ADAMTS17: variants seen among roughly 807,000 people sequenced by gnomAD.
ADAMTS17 encodes the protein ADAM metallopeptidase with thrombospondin type 1 motif 17, also known as A disintegrin and metalloproteinase with thrombospondin motifs 17.
In ADAMTS17, 113 loss-of-function variants were observed where a neutral mutation model predicts 141.5. That is an observed-to-expected ratio of 0.80 (90% confidence interval 0.69 to 0.93). The LOEUF is 0.93. ADAMTS17 is among the 40% of genes least tolerant of loss of function. The pLI is 0.00. For missense variants in ADAMTS17, 1,659 were observed against 1,517.9 expected (o/e 1.09, Z -1.54); for synonymous variants, 768 against 630.6 (o/e 1.22, Z -3.27).
At chr15:100,340,269 C>CT (rs1386446868) in intron 2 of ADAMTS17, among the ~76,000 whole-genome samples, 3 of 152,206 alleles carry the variant, frequency 2.0e-5, no homozygotes, top group African/African-American at 7.2e-5. Context: ...AGAACCCCCC[C>CT]TCCCCCTGGG....
chr15:99,994,442 C>G (rs932838641), intron 19 of ADAMTS17, among the ~76,000 whole-genome samples: 14 of 140,852 alleles, frequency 9.9e-5, no homozygotes, highest in African/African-American at 3.6e-4. Flanking sequence ...ACATACAGAC[C>G]CCAATCTCTT....
intron 2 of ADAMTS17, among the ~76,000 whole-genome samples, chr15:100,331,939 G>A (rs1395828192): frequency 1.3e-5 from 2 of 151,794 alleles, no homozygotes; most frequent in Non-Finnish European, 2.9e-5. Flanking sequence ...GCTAACTCCA[G>A]TCTCAAGTAT....
intron 18 of ADAMTS17, among the ~76,000 whole-genome samples, chr15:100,002,300 G>C (rs951466868): frequency 1.3e-5 from 2 of 151,990 alleles, no homozygotes; most frequent in African/African-American, 2.4e-5. Context: ...CTTTGAGTCT[G>C]CTCCCGCCTT....
At chr15:100,241,993 C>T (rs537133260) in intron 7 of ADAMTS17, among the ~76,000 whole-genome samples, 73 of 152,284 alleles carry the variant, frequency 4.8e-4, no homozygotes, top group Non-Finnish European at 9.6e-4. Flanking sequence ...ACTTACGCTG[C>T]ATATCTGTAG....
At chr15:100,256,107 T>C (rs1480544452) in intron 6 of ADAMTS17, among the ~76,000 whole-genome samples, 1 of 152,220 alleles carries the variant, frequency 6.6e-6, no homozygotes, top group Non-Finnish European at 1.5e-5. Context: ...CTCTGTTCCA[T>C]TCATTATCAG....
intron 10 of ADAMTS17, among the ~76,000 whole-genome samples, chr15:100,138,966 A>AT (rs2038480335): frequency 6.6e-6 from 1 of 152,210 alleles, no homozygotes; most frequent in South Asian, 2.1e-4. Flanking sequence ...TCCCGGTAAT[A>AT]GGGGAAGAGA....
At chr15:100,024,324 G>A (rs1255304953) in intron 18 of ADAMTS17, among the ~76,000 whole-genome samples, 1 of 152,132 alleles carries the variant, frequency 6.6e-6, no homozygotes, top group Non-Finnish European at 1.5e-5. Flanking sequence ...TCAAACTCCT[G>A]GCTTCAAGCA....
chr15:99,983,224 C>T (rs1157162290), intron 20 of ADAMTS17, among the ~76,000 whole-genome samples: 1 of 152,298 alleles, frequency 6.6e-6, no homozygotes, highest in African/African-American at 2.4e-5. Flanking sequence ...GGCTTACGTA[C>T]GAGCTTGTTA....
At chr15:100,214,622 G>A (rs753775548) in intron 7 of ADAMTS17, among the ~76,000 whole-genome samples, 3 of 152,140 alleles carry the variant, frequency 2.0e-5, no homozygotes, top group Admixed American at 6.5e-5. Flanking sequence ...GATTGCATAC[G>A]CACTTTTATT....
At chr15:100,131,223 T>C (rs905819792) in intron 12 of ADAMTS17, among the ~76,000 whole-genome samples, 1 of 135,830 alleles carries the variant, frequency 7.4e-6, no homozygotes, top group Non-Finnish European at 1.7e-5. Flanking sequence ...GTCGAGGGGG[T>C]TGAGGGGCAA....
At chr15:100,245,528 C>T (rs528938972) in intron 7 of ADAMTS17, among the ~76,000 whole-genome samples, 6 of 152,344 alleles carry the variant, frequency 3.9e-5, no homozygotes, top group African/African-American at 1.4e-4. Flanking sequence ...AGAAGCCCAT[C>T]CCATGCAAAA....
At chr15:100,299,580 C>T (rs745872028) in intron 3 of ADAMTS17, among the ~76,000 whole-genome samples, 4 of 151,792 alleles carry the variant, frequency 2.6e-5, no homozygotes, top group South Asian at 2.1e-4. Flanking sequence ...AATGTGTTCA[C>T]GTTTCAACCA....
chr15:100,293,978 G>C (rs1210149881), intron 3 of ADAMTS17, among the ~76,000 whole-genome samples: 2 of 152,204 alleles, frequency 1.3e-5, no homozygotes, highest in African/African-American at 4.8e-5. Context: ...ACATCTGACA[G>C]AGCTGGTTAG....
intron 1 of ADAMTS17, 79 bp from the exon 2 acceptor site, chr15:100,341,488 A>C (rs1421502725): frequency 4.0e-6 from 4 of 1,001,518 alleles, no homozygotes; most frequent in African/African-American, 1.8e-5. Flanking sequence ...CAGCCGCGCC[A>C]GCGCGGGGAC....
intron 18 of ADAMTS17, among the ~76,000 whole-genome samples, chr15:100,013,444 G>C (rs1384636668): frequency 1.3e-5 from 2 of 152,062 alleles, no homozygotes; most frequent in Non-Finnish European, 2.9e-5. Context: ...AGTGAGAGTG[G>C]GCATCCTTGT....
intron 18 of ADAMTS17, among the ~76,000 whole-genome samples, chr15:100,035,256 C>G (rs921938179): frequency 1.3e-5 from 2 of 152,202 alleles, no homozygotes; most frequent in African/African-American, 4.8e-5. Flanking sequence ...TGAATCCAGC[C>G]TATGTGAGGT....
chr15:100,237,620 GTTTT>G (rs761187954), intron 7 of ADAMTS17, among the ~76,000 whole-genome samples: 5 of 152,082 alleles, frequency 3.3e-5, no homozygotes, highest in Non-Finnish European at 5.9e-5. Flanking sequence ...GAACGCTGAG[GTTTT>G]TTGTTTTTGT....
At chr15:100,205,165 A>G (rs2041487133) in intron 7 of ADAMTS17, among the ~76,000 whole-genome samples, 1 of 152,118 alleles carries the variant, frequency 6.6e-6, no homozygotes, top group Admixed American at 6.5e-5. Flanking sequence ...GGACTTCAGG[A>G]GGAGATGCTG....
chr15:100,132,120 C>T lies in ADAMTS17; in HGVS notation c.1608G>A (p.Thr536=), dbSNP rs547988683. ...CTCCGTCCACATGCTCCGGGATGGG[C>T]GTCTTGCTCACGCACTCCCCCGCGC... ...WCRAGECVSK[T]PIPEHVDGDW... Residue 536 remains threonine (T), a synonymous_variant, in exon 12 of 22, where the codon ACG becomes ACA. Transcript: ENST00000268070. 73 of 1,614,046 alleles carry T rather than the reference C, an allele frequency of 4.5e-5. No individual in the cohort carries two copies. The highest frequency in any genetic ancestry group is 3.5e-4 in the Admixed American group (21 of 60,018).
Sources: gnomAD v4.1 joint callset for allele counts (sites outside exome capture counted in the v4.1 genomes callset) on GRCh38, gnomAD v4.1.1 for gene constraint, MANE v1.5 for transcripts, NCBI Gene and HGNC (gene_info 2026-07-23, HGNC 2026-07-21) for gene names.